The following SDK1 variants were observed in gnomAD, a reference collection of about 807,000 sequenced individuals.
SDK1 encodes protein sidekick-1.
SDK1 carries 157 observed loss-of-function variants against 245.5 expected under a neutral mutation model. The observed-to-expected ratio is 0.64, with a 90% CI of 0.56 to 0.73. SDK1 has a LOEUF of 0.73. Ranked by LOEUF, SDK1 falls within the 30% of genes least tolerant of loss-of-function variation. SDK1 has a pLI of 0.00. For missense variants in SDK1, 3,583 were observed against 3,002.3 expected (o/e 1.19, Z -4.52); for synonymous variants, 1,647 against 1,278.5 (o/e 1.29, Z -6.15).
rs1554307103 is a variant in SDK1, at chr7:3,672,759, T to TATATATACAGA, written c.713+30654_713+30655insATATATACAGA. ...ATATATATTTTTATAATATATAATTTTATATATATATATATATATATATAT... is the reference window on the plus strand; with the variant it reads ...ATATATATTTTTATAATATATAATTTATATATACAGATATATATATATATATATATATATAT... On this transcript the variant is annotated intron_variant, in intron 4 of 44. Coordinates refer to ENST00000404826, the MANE Select transcript of SDK1 (RefSeq NM_152744.4). 5.9e-5 allele frequency among the ~76,000 whole-genome samples: 3 copies of TATATATACAGA among 50,744 alleles called. 1 individual carries two copies. Among genetic ancestry groups the TATATATACAGA allele is most frequent in the Admixed American group, 5.3e-4 (2 of 3,798 alleles). 33.3% of individuals were successfully genotyped at this position (50,744 alleles called of 152,430 possible).
At chr7:3,852,185 T>TC (rs912265092) in intron 5 of SDK1, among the ~76,000 whole-genome samples, 2 of 152,032 alleles carry the variant, frequency 1.3e-5, no homozygotes, top group Non-Finnish European at 2.9e-5. Context: ...GGCTTTTTTT[T>TC]TTTTTTAACT....
intron 4 of SDK1, among the ~76,000 whole-genome samples, chr7:3,709,965 T>A (rs79485537): frequency 6.6e-6 from 1 of 152,362 alleles, no homozygotes; most frequent in East Asian, 1.9e-4. Flanking sequence ...AAATGTTCTC[T>A]CTGCTTTTAT....
intron 1 of SDK1, among the ~76,000 whole-genome samples, chr7:3,355,093 T>G (rs888033349): frequency 6.6e-6 from 1 of 152,234 alleles, no homozygotes; most frequent in Admixed American, 6.5e-5. Flanking sequence ...TCATGTTATT[T>G]GTTAATTCCA....
At chr7:4,074,708 T>C (rs1262393391) in intron 20 of SDK1, among the ~76,000 whole-genome samples, 5 of 151,058 alleles carry the variant, frequency 3.3e-5, no homozygotes, top group South Asian at 2.1e-4. Context: ...CAAAAAATTT[T>C]AAAAACTTGC....
intron 1 of SDK1, among the ~76,000 whole-genome samples, chr7:3,369,116 C>T (rs1183520051): frequency 6.6e-6 from 1 of 151,952 alleles, no homozygotes; most frequent in Non-Finnish European, 1.5e-5. Context: ...GTGATATTGG[C>T]TCACTGCAAC....
chr7:3,370,539 A>G (rs1170897622), intron 1 of SDK1, among the ~76,000 whole-genome samples: 1 of 152,196 alleles, frequency 6.6e-6, no homozygotes, highest in Admixed American at 6.5e-5. Flanking sequence ...TATGTTTGAC[A>G]TTTCTGGAGT....
intron 2 of SDK1, among the ~76,000 whole-genome samples, chr7:3,625,637 G>A (rs1471084755): frequency 6.6e-6 from 1 of 152,210 alleles, no homozygotes; most frequent in South Asian, 2.1e-4. Context: ...TCTCAGAAGT[G>A]CCCACTCTAA....
At chr7:3,873,109 A>G (rs2115136394) in intron 5 of SDK1, among the ~76,000 whole-genome samples, 1 of 152,184 alleles carries the variant, frequency 6.6e-6, no homozygotes, top group Admixed American at 6.5e-5. Flanking sequence ...ATTTTCTTTA[A>G]TGTTTCATGA....
intron 2 of SDK1, among the ~76,000 whole-genome samples, chr7:3,635,508 A>G (rs1219356309): frequency 6.6e-6 from 1 of 152,236 alleles, no homozygotes; most frequent in Admixed American, 6.5e-5. Flanking sequence ...ATGCTTGGGA[A>G]CTGAGCAAAT....
At chr7:3,911,804 G>T (rs1044223423) in intron 5 of SDK1, among the ~76,000 whole-genome samples, 6 of 152,180 alleles carry the variant, frequency 3.9e-5, no homozygotes, top group Non-Finnish European at 8.8e-5. Context: ...CCCTGCCCTG[G>T]AGGAGCTTAA....
At chr7:3,831,910 G>T (rs550090309) in intron 5 of SDK1, among the ~76,000 whole-genome samples, 1 of 152,054 alleles carries the variant, frequency 6.6e-6, no homozygotes, top group South Asian at 2.1e-4. Context: ...AACGTGCCAG[G>T]TGTGGTAGTG....
At chr7:3,516,041 T>G (rs1287476525) in intron 1 of SDK1, among the ~76,000 whole-genome samples, 1 of 152,082 alleles carries the variant, frequency 6.6e-6, no homozygotes, top group Non-Finnish European at 1.5e-5. Flanking sequence ...TGTTAAATCT[T>G]CAATGCATGA....
intron 1 of SDK1, among the ~76,000 whole-genome samples, chr7:3,564,474 G>C (rs1583170860): frequency 6.6e-6 from 1 of 151,824 alleles, no homozygotes; most frequent in African/African-American, 2.4e-5. Flanking sequence ...GGGTGACAGA[G>C]GGAGACTCTC....
chr7:3,331,671 T>G (rs1780072649), intron 1 of SDK1, among the ~76,000 whole-genome samples: 1 of 152,164 alleles, frequency 6.6e-6, no homozygotes, highest in Non-Finnish European at 1.5e-5. Flanking sequence ...TGAACACAAG[T>G]CTTTAAAGGA....
chr7:3,968,957 G>A (rs180986228), intron 10 of SDK1, among the ~76,000 whole-genome samples: 6 of 152,208 alleles, frequency 3.9e-5, no homozygotes, highest in African/African-American at 1.4e-4. Context: ...AGAGGAAGCA[G>A]GCGCATCTCA....
chr7:3,890,900 C>T (rs1043042219), intron 5 of SDK1, among the ~76,000 whole-genome samples: 1 of 152,158 alleles, frequency 6.6e-6, no homozygotes, highest in African/African-American at 2.4e-5. Context: ...CGAAAGCACT[C>T]CAGCCTGGGT....
At chr7:4,238,335 C>T (rs1786312584) in intron 42 of SDK1, among the ~76,000 whole-genome samples, 1 of 152,116 alleles carries the variant, frequency 6.6e-6, no homozygotes. Context: ...CCGCCTCAGC[C>T]TCCCAAAGTG....
intron 14 of SDK1, among the ~76,000 whole-genome samples, chr7:3,997,170 G>GGAGTGTC (rs1448745578): frequency 1.3e-5 from 2 of 152,188 alleles, no homozygotes; most frequent in Non-Finnish European, 2.9e-5. Context: ...CGGGATCTTT[G>GGAGTGTC]GAGTGTCGCT....
intron 5 of SDK1, among the ~76,000 whole-genome samples, chr7:3,881,473 C>T (rs748476751): frequency 4.6e-5 from 7 of 152,142 alleles, no homozygotes; most frequent in Non-Finnish European, 1.0e-4. Context: ...ATGGTGTATA[C>T]GTAACACATT....
Sources: gnomAD v4.1 joint callset for allele counts (sites outside exome capture counted in the v4.1 genomes callset) on GRCh38, gnomAD v4.1.1 for gene constraint, MANE v1.5 for transcripts, NCBI Gene and HGNC (gene_info 2026-07-23, HGNC 2026-07-21) for gene names.